The following ZNF770 variants were observed in gnomAD, a reference collection of about 807,000 sequenced individuals.
ZNF770 encodes the protein zinc finger protein 770.
A neutral mutation model predicts 44.8 loss-of-function variants in ZNF770; 13 were observed. That is an observed-to-expected ratio of 0.29 (90% CI 0.19 to 0.46). ZNF770 has a LOEUF of 0.46. ZNF770 is among the 20% of genes least tolerant of loss of function. ZNF770 has a pLI of 1.00. For synonymous variants in ZNF770, 304 were observed against 271.8 expected (o/e 1.12, Z -1.17); for missense variants, 681 against 797.9 (o/e 0.85, Z 1.77).
rs1341773329 is a variant in ZNF770 at position 34,982,274 on chromosome 15, A to G, written c.1161T>C (p.Gly387=). ...TATATGTTCCATGTTTGCCAAGAGA[A>G]CCCACAAATGTTCTCTGGGTTTGTT... ...SSEQTQRTFV[G]SLGKHGTYKT... The change falls in exon 3 of 3, where the codon GGT becomes GGC. Residue 387 remains glycine (G), a synonymous_variant. Transcript: ENST00000356321. 2 of 1,613,902 alleles carry G rather than the reference A, an allele frequency of 1.2e-6. No individual in the cohort carries two copies. Among genetic ancestry groups the G allele is most frequent in the South Asian group, 1.1e-5 (1 of 91,006 alleles).
intron 2 of ZNF770, among the ~76,000 whole-genome samples, chr15:34,985,765 A>C (rs1433600636): frequency 6.6e-6 from 1 of 152,014 alleles, no homozygotes; most frequent in Non-Finnish European, 1.5e-5. Context: ...GTGGTGGTAC[A>C]TGCCTGTAAT....
At position 34,981,710 on chromosome 15, in the gene ZNF770, A is replaced by T; in HGVS notation, c.1725T>A (p.Asp575Glu). The T allele has an allele frequency of 6.2e-7, 1 of 1,614,094 alleles. No individual in the cohort carries two copies. Among genetic ancestry groups the T allele is most frequent in the East Asian group, 2.2e-5 (1 of 44,882 alleles). Residue 575 changes from aspartate (D) to glutamate (E), a missense_variant, in exon 3 of 3, where the codon GAT becomes GAA. By Grantham distance (45) the Asp-to-Glu change is conservative. This residue lies in a region of ZNF770 where 148 missense variants were observed against 191.0 expected (regional missense o/e 0.77). Transcript: ENST00000356321. ...ACTCTGCCTTAACTCCTGACATTTG[A>T]TCTGACTCTGAGACCTCGTATTTTT... The part of the protein sequence containing the change: ...GVQKYEVSES[D>E]QMSGVKAESQ...
chr15:34,983,342 A>T lies in ZNF770; in HGVS notation c.93T>A (p.Ile31=), dbSNP rs749848824. 2 of 1,612,490 alleles carry T rather than the reference A, an allele frequency of 1.2e-6. No homozygotes were observed. Among genetic ancestry groups the T allele is most frequent in the Non-Finnish European group, 1.7e-6 (2 of 1,178,898 alleles). ...LPRNRPYVCN[I]CFKHFETPSK... is the part of the protein sequence containing the mutation. ...ATGGTGTTTCAAAGTGCTTAAAACA[A>T]ATATTGCAAACATATGGCCTGTTTC... Residue 31 remains isoleucine, a synonymous_variant, in exon 3 of 3, where the codon ATT becomes ATA. Transcript: ENST00000356321.
chr15:34,985,108 T>C (rs1225271819), intron 2 of ZNF770, among the ~76,000 whole-genome samples: 2 of 146,126 alleles, frequency 1.4e-5, no homozygotes, highest in Non-Finnish European at 3.0e-5. Flanking sequence ...CACTCCAGCT[T>C]GGGCAACAGA....
chr15:34,979,457 A>C lies in ZNF770; in HGVS notation c.*1902T>G. ...TGCACTGGAGGAACATATCTCAAGG[A>C]AACCTAAGAGAAAGTGTTCTTTAAA... On this transcript the variant is annotated 3_prime_UTR_variant, in exon 3 of 3. Transcript: ENST00000356321. The C allele has an allele frequency of 3.8e-6, 1 of 261,882 alleles. No homozygotes were observed. The highest frequency in any genetic ancestry group is 3.3e-5 in the South Asian group (1 of 30,296). 16.2% of individuals were successfully genotyped at this position (261,882 alleles called of 1,614,324 possible).
rs540777464 is a variant in ZNF770 at position 34,984,298 on chromosome 15, T to C, written c.-56-808A>G. On this transcript the variant is annotated intron_variant, in intron 2 of 2. Transcript: ENST00000356321. Reference sequence around the variant, plus strand: ...ATCAAATTTTAAAATGTTATCCTTATCGTCTTAGTAACATTTTTAAGCGTT... The same window carrying C: ...ATCAAATTTTAAAATGTTATCCTTACCGTCTTAGTAACATTTTTAAGCGTT... Among the ~76,000 whole-genome samples the C allele has an allele frequency of 8.5e-5, 13 of 152,344 alleles. No individual in the cohort carries two copies. The South Asian group carries it at 2.5e-3, about 29-fold the overall frequency.
chr15:34,981,884 G>A lies in ZNF770; in HGVS notation c.1551C>T (p.His517=). The part of the protein sequence containing the change: ...ICGKSFRQSA[H]LKRHEQTHNE... ...TATGAGTCTGTTCATGTCTTTTTAAGTGAGCTGACTGTCTAAAAGATTTCC... is the reference window on the plus strand; with the variant it reads ...TATGAGTCTGTTCATGTCTTTTTAAATGAGCTGACTGTCTAAAAGATTTCC... The change falls in exon 3 of 3, where the codon CAC becomes CAT. Residue 517 remains histidine (H), a synonymous_variant. Transcript: ENST00000356321. 3.1e-6 allele frequency: 5 copies of A among 1,613,924 alleles called. No individual in the cohort carries two copies. Among genetic ancestry groups the A allele is most frequent in the Non-Finnish European group, 4.2e-6 (5 of 1,180,018 alleles).
At position 34,979,887 on chromosome 15, in the gene ZNF770, T is replaced by C; in HGVS notation, c.*1472A>G. ...AAACAAAGGCAAATATGAAGGAAAA[T>C]TTGTAATTATGAAATAAGTCCTTTG... On this transcript the variant is annotated 3_prime_UTR_variant, in exon 3 of 3. Transcript: ENST00000356321. The C allele has an allele frequency of 3.3e-6, 1 of 302,366 alleles. No homozygotes were observed. 18.7% of individuals were successfully genotyped at this position (302,366 alleles called of 1,614,324 possible).
chr15:34,985,852 G>GCA (rs2050430981), intron 2 of ZNF770, among the ~76,000 whole-genome samples: 1 of 151,854 alleles, frequency 6.6e-6, no homozygotes, highest in Non-Finnish European at 1.5e-5. Context: ...CGCCAAGATT[G>GCA]CACCACCACA....
intron 2 of ZNF770, among the ~76,000 whole-genome samples, chr15:34,984,162 T>A (rs1042690468): frequency 6.6e-6 from 1 of 152,148 alleles, no homozygotes; most frequent in African/African-American, 2.4e-5. Context: ...GTCTCCTGGA[T>A]TGTCTACCAC....
In ZNF770 at chr15:34,982,235, A is replaced by G. The variant is rs1001134146; in HGVS notation, c.1200T>C (p.Asn400=). The part of the protein sequence containing the change: ...GKHGTYKTIG[N]RKKKTLTLPF... ...GCAAAGTCAATGTTTTCTTCTTTCTATTGCCAATTGTTTTATATGTTCCAT... is the reference window on the plus strand; with the variant it reads ...GCAAAGTCAATGTTTTCTTCTTTCTGTTGCCAATTGTTTTATATGTTCCAT... The change falls in exon 3 of 3, where the codon AAT becomes AAC. Residue 400 remains asparagine (N), a synonymous_variant. Coordinates refer to ENST00000356321, the MANE Select transcript of ZNF770 (RefSeq NM_014106.4). The G allele has an allele frequency of 6.2e-7, 1 of 1,613,734 alleles. No homozygotes were observed. Among genetic ancestry groups the G allele is most frequent in the East Asian group, 2.2e-5 (1 of 44,860 alleles).
Position 34,981,494 on chromosome 15 carries a change from A to G in ZNF770, c.1941T>C (p.His647=). 3.7e-6 allele frequency: 6 copies of G among 1,614,240 alleles called. No homozygotes were observed. The highest frequency in any genetic ancestry group is 3.4e-6 in the Non-Finnish European group (4 of 1,180,038). The change falls in exon 3 of 3, where the codon CAT becomes CAC. Residue 647 remains histidine (H), a synonymous_variant. Transcript: ENST00000356321. ...AGCATTCAAATGGTTTCTGCCCTGCATGAATTAGGTAGTGTCTTTCCAGTT... is the reference window on the plus strand; with the variant it reads ...AGCATTCAAATGGTTTCTGCCCTGCGTGAATTAGGTAGTGTCTTTCCAGTT... ...PSKLERHYLI[H]AGQKPFECSV... is the part of the protein sequence containing the mutation.
chr15:34,985,491 A>C (rs1486827145), intron 2 of ZNF770, among the ~76,000 whole-genome samples: 1 of 152,232 alleles, frequency 6.6e-6, no homozygotes, highest in Non-Finnish European at 1.5e-5. Flanking sequence ...AAAATTACTG[A>C]ACAAATATCT....
rs1419467297 is a variant in ZNF770 at position 34,981,212 on chromosome 15, T to A, written c.*147A>T. On this transcript the variant is annotated 3_prime_UTR_variant, in exon 3 of 3. Transcript: ENST00000356321. ...TAAAACATTGTATTAATTTTCTATGTATTCTACCTCCTTACTATGCAGGAC... is the reference window on the plus strand; with the variant it reads ...TAAAACATTGTATTAATTTTCTATGAATTCTACCTCCTTACTATGCAGGAC... 1 of 757,034 alleles carries A rather than the reference T, an allele frequency of 1.3e-6. No homozygotes were observed. The highest frequency in any genetic ancestry group is 1.8e-5 in the African/African-American group (1 of 56,424). The allele number at this position is 757,034 out of a possible 1,614,324, so 46.9% of individuals were successfully genotyped here. A position where few individuals can be genotyped will look rare whatever the true frequency, so the allele number is the denominator to read the frequency against.
At chr15:34,983,533 A>G in intron 2 of ZNF770, 43 bp from the exon 3 acceptor site, 1 of 1,093,194 alleles carries the variant, frequency 9.1e-7, no homozygotes, top group South Asian at 3.1e-5. Flanking sequence ...AAAATTATTT[A>G]TTCATATGAA....
chr15:34,985,274 A>C (rs1050017434), intron 2 of ZNF770, among the ~76,000 whole-genome samples: 1 of 151,966 alleles, frequency 6.6e-6, no homozygotes, highest in Non-Finnish European at 1.5e-5. Context: ...GATTTTTTCA[A>C]AAAAAAATTA....
intron 2 of ZNF770, among the ~76,000 whole-genome samples, chr15:34,987,203 G>A (rs891621867): frequency 5.9e-5 from 9 of 152,236 alleles, no homozygotes; most frequent in Non-Finnish European, 7.3e-5. Context: ...AAGGAGCTAC[G>A]GTTAATCATC....
chr15:34,979,832 G>A lies in ZNF770; in HGVS notation c.*1527C>T. 1 of 306,662 alleles carries A rather than the reference G, an allele frequency of 3.3e-6. No individual in the cohort carries two copies. Among genetic ancestry groups the A allele is most frequent in the East Asian group, 1.2e-4 (1 of 8,058 alleles). 19.0% of individuals were successfully genotyped at this position (306,662 alleles called of 1,614,324 possible). On this transcript the variant is annotated 3_prime_UTR_variant, in exon 3 of 3. Coordinates refer to ENST00000356321, the MANE Select transcript of ZNF770 (RefSeq NM_014106.4). ...AACATAACGGTTCATTCCTTTTATT[G>A]CTAGAGAATGTCATTCCTGAAGATT...
rs562328565 is a variant in ZNF770, at chr15:34,986,267, C to T, written c.-57+1290G>A. On this transcript the variant is annotated intron_variant, in intron 2 of 2. Coordinates refer to ENST00000356321, the MANE Select transcript of ZNF770 (RefSeq NM_014106.4). ...GCCAAATGGAAAATGCCACATAAAT[C>T]CACGCAAAATAAAACAATCTGACTG... Among the ~76,000 whole-genome samples the T allele has an allele frequency of 1.4e-4, 22 of 152,192 alleles. No homozygotes were observed. In the East Asian group the frequency reaches 4.2e-3, roughly 29 times the overall value.
Sources: gnomAD v4.1 joint callset for allele counts (sites outside exome capture counted in the v4.1 genomes callset) on GRCh38, gnomAD v4.1.1 for gene constraint, gnomAD v4.1.1 regional missense constraint, MANE v1.5 for transcripts, NCBI Gene and HGNC (gene_info 2026-07-23, HGNC 2026-07-21) for gene names.